Variants in ESRRG observed in about 807,000 individuals in gnomAD.
The protein encoded by ESRRG is estrogen-related receptor gamma.
A neutral mutation model predicts 44.0 loss-of-function variants in ESRRG; 13 were observed. The observed-to-expected ratio is 0.30, with a 90% CI of 0.19 to 0.47. ESRRG has a LOEUF of 0.47. Among genes scored for constraint, ESRRG ranks in the 20% least tolerant of loss-of-function variants. The pLI is 1.00. For missense variants in ESRRG, 395 were observed against 580.6 expected (o/e 0.68, Z 3.29); for synonymous variants, 215 against 214.6 (o/e 1.00, Z -0.02).
At chr1:216,972,074 A>AT (rs1009954291) in intron 1 of ESRRG, among the ~76,000 whole-genome samples, 8 of 151,996 alleles carry the variant, frequency 5.3e-5, no homozygotes, top group East Asian at 1.9e-4. Context: ...TTCTATTTAT[A>AT]TTTTTTTCCA....
intron 1 of ESRRG, among the ~76,000 whole-genome samples, chr1:216,983,264 C>T (rs557964597): frequency 4.0e-5 from 6 of 151,792 alleles, no homozygotes; most frequent in African/African-American, 9.7e-5. Flanking sequence ...CAGGGTCTCG[C>T]TCTGTTACCC....
chr1:216,953,309 T>C (rs1471330745), intron 1 of ESRRG, among the ~76,000 whole-genome samples: 3 of 152,176 alleles, frequency 2.0e-5, no homozygotes, highest in Non-Finnish European at 2.9e-5. Flanking sequence ...ATTTTCCAAC[T>C]GCACTTACAT....
intron 1 of ESRRG, among the ~76,000 whole-genome samples, chr1:217,079,311 A>G (rs1323401426): frequency 6.6e-6 from 1 of 152,152 alleles, no homozygotes; most frequent in African/African-American, 2.4e-5. Context: ...ATTTTTCACT[A>G]TTGTGCTTTT....
intron 4 of ESRRG, 107 bp from the exon 5 acceptor site, chr1:216,564,487 A>T: frequency 1.2e-6 from 1 of 827,692 alleles, no homozygotes; most frequent in Non-Finnish European, 1.8e-6. Context: ...ATCCTACAAT[A>T]AACGCTAAAT....
chr1:216,575,442 T>C (rs1376168601), intron 3 of ESRRG, among the ~76,000 whole-genome samples: 1 of 152,124 alleles, frequency 6.6e-6, no homozygotes, highest in African/African-American at 2.4e-5. Flanking sequence ...TTAAATGAAT[T>C]AATCAATTTG....
intron 1 of ESRRG, among the ~76,000 whole-genome samples, chr1:216,685,110 G>C (rs534662924): frequency 6.6e-6 from 1 of 152,106 alleles, no homozygotes; most frequent in South Asian, 2.1e-4. Flanking sequence ...AAGGGCTTTC[G>C]AACAGTGTGC....
At chr1:217,045,272 C>G (rs2084661115) in intron 1 of ESRRG, among the ~76,000 whole-genome samples, 2 of 152,084 alleles carry the variant, frequency 1.3e-5, no homozygotes, top group South Asian at 2.1e-4. Flanking sequence ...AAAAATTAAC[C>G]CTTGCGGGAT....
intron 3 of ESRRG, among the ~76,000 whole-genome samples, chr1:216,574,470 C>A (rs1304156669): frequency 6.6e-6 from 1 of 152,090 alleles, no homozygotes; most frequent in Non-Finnish European, 1.5e-5. Context: ...TTATAATATT[C>A]TGTAGTCCAA....
At chr1:216,618,688 G>A (rs992931210) in intron 3 of ESRRG, among the ~76,000 whole-genome samples, 11 of 152,068 alleles carry the variant, frequency 7.2e-5, no homozygotes, top group Non-Finnish European at 1.2e-4. Flanking sequence ...AATAATTTTC[G>A]AAATTTTCCT....
intron 1 of ESRRG, among the ~76,000 whole-genome samples, chr1:216,686,385 C>A (rs1031068252): frequency 7.4e-6 from 1 of 135,120 alleles, no homozygotes; most frequent in East Asian, 2.3e-4. Flanking sequence ...ATATTTAATT[C>A]AAGCCATGGA....
intron 1 of ESRRG, among the ~76,000 whole-genome samples, chr1:217,126,416 T>C (rs2092890675): frequency 6.6e-6 from 1 of 152,164 alleles, no homozygotes. Flanking sequence ...CTGCTGGTTA[T>C]TTAGACATAG....
intron 2 of ESRRG, among the ~76,000 whole-genome samples, chr1:216,748,239 A>G (rs945167075): frequency 1.3e-5 from 2 of 152,154 alleles, no homozygotes; most frequent in South Asian, 2.1e-4. Context: ...TAGTTAATCC[A>G]TGCTACCCAG....
rs767332392 is a variant in ESRRG at position 217,096,785 on chromosome 1, C to T, written c.-230+40882G>A. On this transcript the variant is annotated intron_variant, in intron 1 of 8. Transcript: ENST00000366940. ...ATTATTATTAATATGACTGTCTTTG[C>T]TGCCTTTTGTGTAAAAGATGTTTTA... 1.9e-4 allele frequency among the ~76,000 whole-genome samples: 29 copies of T among 152,150 alleles called. 1 individual carries two copies. Among genetic ancestry groups the T allele is most frequent in the Admixed American group, 1.1e-3 (17 of 15,272 alleles).
chr1:216,995,818 G>T (rs1002550802), intron 1 of ESRRG, among the ~76,000 whole-genome samples: 1 of 152,096 alleles, frequency 6.6e-6, no homozygotes, highest in East Asian at 1.9e-4. Flanking sequence ...TCTATCTCCT[G>T]ACTACATTTT....
At chr1:216,591,971 C>T (rs150861002) in intron 3 of ESRRG, among the ~76,000 whole-genome samples, 1 of 149,352 alleles carries the variant, frequency 6.7e-6, no homozygotes, top group Non-Finnish European at 1.5e-5. Flanking sequence ...CTGGTAGATA[C>T]CCCCAGTCAA....
chr1:216,517,339 T>C (rs558280556), intron 6 of ESRRG, among the ~76,000 whole-genome samples: 1 of 152,288 alleles, frequency 6.6e-6, no homozygotes, highest in South Asian at 2.1e-4. Flanking sequence ...ATATTAATGC[T>C]TATACTTCTA....
chr1:217,120,917 C>T (rs1476168618), intron 1 of ESRRG, among the ~76,000 whole-genome samples: 1 of 152,156 alleles, frequency 6.6e-6, no homozygotes, highest in Non-Finnish European at 1.5e-5. Context: ...TGCCATTAGA[C>T]TATAAGCTCC....
chr1:216,865,890 T>A (rs936651455), intron 2 of ESRRG, among the ~76,000 whole-genome samples: 1 of 152,188 alleles, frequency 6.6e-6, no homozygotes, highest in Non-Finnish European at 1.5e-5. Flanking sequence ...CATTCTTTTT[T>A]CCTATATTGT....
chr1:216,989,427 CAAAAAAAAAAAAA>C (rs67759463), intron 1 of ESRRG, among the ~76,000 whole-genome samples: 9 of 79,344 alleles, frequency 1.1e-4, no homozygotes, highest in Non-Finnish European at 2.3e-4. Flanking sequence ...GACTCTGTCT[CAAAAAAAAAAAAA>C]AAAAAAAAAA....
Sources: allele counts gnomAD v4.1 joint callset (sites outside exome capture counted in the v4.1 genomes callset), GRCh38; gene constraint gnomAD v4.1.1; transcripts MANE v1.5; gene names NCBI Gene and HGNC (gene_info 2026-07-23, HGNC 2026-07-21).